Variants in TNIP2 observed in about 807,000 individuals in gnomAD.
TNIP2 encodes TNFAIP3 interacting protein 2.
Under a neutral mutation model 43.7 loss-of-function variants are expected in TNIP2, and 30 were observed. The observed-to-expected ratio is 0.69, with a 90% CI of 0.51 to 0.93. TNIP2 has a LOEUF of 0.93. Among genes scored for constraint, TNIP2 ranks in the 40% least tolerant of loss-of-function variants. TNIP2 has a pLI of 0.00. For missense variants in TNIP2, 599 were observed against 591.0 expected (o/e 1.01, Z -0.14); for synonymous variants, 260 against 254.6 (o/e 1.02, Z -0.20).
rs556774838 is a variant in TNIP2, at chr4:2,747,699, G to A, written c.523C>T (p.Arg175Ter). The change falls in exon 2 of 6, where the codon CGA becomes TGA. Residue 175 changes from arginine to a stop codon, truncating the protein, a stop_gained. Transcript: ENST00000315423. LOFTEE classifies it high-confidence loss of function. Reference protein sequence around the residue: ...CQHLAKCLDERQHAQRNVGER... With the variant: ...CQHLAKCLDE ...CCCACATTCCTTTGTGCATGCTGTC[G>A]TTCATCCAGACACTTGGCCAGATGC... 3.7e-6 allele frequency: 6 copies of A among 1,602,744 alleles called. No individual in the cohort carries two copies. Among genetic ancestry groups the A allele is most frequent in the South Asian group, 3.3e-5 (3 of 91,060 alleles).
At chr4:2,752,924 G>A (rs1722138582) in intron 1 of TNIP2, among the ~76,000 whole-genome samples, 1 of 151,890 alleles carries the variant, frequency 6.6e-6, no homozygotes, top group Non-Finnish European at 1.5e-5. Flanking sequence ...CATAGTCCTT[G>A]TGGTAGGCTC....
chr4:2,747,770 G>C lies in TNIP2; in HGVS notation c.452C>G (p.Thr151Ser). 6.2e-7 allele frequency: 1 copy of C among 1,611,590 alleles called. No homozygotes were observed. Among genetic ancestry groups the C allele is most frequent in the Non-Finnish European group, 8.5e-7 (1 of 1,180,030 alleles). ...DVLCRSLANETHQLRRTLTAT... is the reference protein window; with the variant it reads ...DVLCRSLANESHQLRRTLTAT... ...GGTCAGCGTCCTCCGCAGCTGATGG[G>C]TCTCGTTGGCCAAGGAGCGGCACAG... is the stretch of plus-strand genomic sequence containing the variant. The change falls in exon 2 of 6, where the codon ACC (threonine) becomes AGC (serine). Residue 151 changes from threonine (T) to serine (S), a missense_variant. Physicochemically the swap from Thr to Ser is moderately conservative, Grantham distance 58 (BLOSUM62 1). Coordinates refer to ENST00000315423, the MANE Select transcript of TNIP2 (RefSeq NM_024309.4).
At chr4:2,753,075 AAAAAAT>A (rs1353360555) in intron 1 of TNIP2, among the ~76,000 whole-genome samples, 3 of 152,166 alleles carry the variant, frequency 2.0e-5, no homozygotes, top group Admixed American at 6.5e-5. Flanking sequence ...CCTGTCTCTA[AAAAAAT>A]AAAAATAAAA....
intron 1 of TNIP2, among the ~76,000 whole-genome samples, chr4:2,748,188 T>G (rs1254209302): frequency 1.3e-5 from 2 of 152,282 alleles, no homozygotes; most frequent in East Asian, 3.9e-4. Context: ...AATTTTTTTT[T>G]TTTTTGAGAC....
Position 2,744,315 on chromosome 4 carries a change from G to C in TNIP2, c.1026+72C>G. The C allele has an allele frequency of 6.3e-7, 1 of 1,588,304 alleles. No individual in the cohort carries two copies. Among genetic ancestry groups the C allele is most frequent in the Non-Finnish European group, 8.6e-7 (1 of 1,162,228 alleles). ...ATCAGGGCCTTGGCAGACACAGAAA[G>C]GCTCTAATCTCATGAGAAGAGAAAC... is the stretch of plus-strand genomic sequence containing the variant. On this transcript the variant is annotated intron_variant, in intron 5 of 5. Coordinates refer to ENST00000315423, the MANE Select transcript of TNIP2 (RefSeq NM_024309.4). The surrounding 1 kb of genome is among the most constrained non-coding windows in gnomAD (Gnocchi z 5.1).
chr4:2,747,849 G>A lies in TNIP2; in HGVS notation c.373C>T (p.Leu125=). 6.2e-7 allele frequency: 1 copy of A among 1,613,810 alleles called. No homozygotes were observed. Among genetic ancestry groups the A allele is most frequent in the Non-Finnish European group, 8.5e-7 (1 of 1,180,052 alleles). ...PQHEREKEVV[L]LRRSMAEGER... is the part of the protein sequence containing the mutation. ...CCTTCTGCCATGCTCCTCCGTAGCA[G>A]GACGACTTCCTTCTCTCGCTCGTGT... Residue 125 remains leucine, a synonymous_variant, in exon 2 of 6, where the codon CTG becomes TTG. Coordinates refer to ENST00000315423, the MANE Select transcript of TNIP2 (RefSeq NM_024309.4).
At position 2,744,673 on chromosome 4, in the gene TNIP2, G is replaced by A. The variant is rs111472973; in HGVS notation, c.906+24C>T. The A allele has an allele frequency of 0.018, 29,039 of 1,594,154 alleles. 344 individuals carry two copies. The highest frequency in any genetic ancestry group is 0.021 in the East Asian group (950 of 44,772). ...GGCCAGCAGACATCTGGTCAGTGCC[G>A]TCCGGAGCCCGAGGGACAGACACCT... On this transcript the variant is annotated intron_variant, in intron 4 of 5. Transcript: ENST00000315423. The surrounding 1 kb of genome is among the most constrained non-coding windows in gnomAD (Gnocchi z 5.1).
intron 1 of TNIP2, among the ~76,000 whole-genome samples, chr4:2,749,550 A>C (rs1027610983): frequency 1.3e-5 from 2 of 152,216 alleles, no homozygotes; most frequent in Non-Finnish European, 2.9e-5. Context: ...GATAGGAGTG[A>C]CGTCTTGTCT....
chr4:2,747,231 G>GT (rs749006878), intron 2 of TNIP2, among the ~76,000 whole-genome samples: 1 of 152,242 alleles, frequency 6.6e-6, no homozygotes, highest in Non-Finnish European at 1.5e-5. Flanking sequence ...CCTTCCAGGA[G>GT]TTTGGGGTGT....
chr4:2,745,379 G>T, intron 3 of TNIP2, 67 bp downstream of exon 3: 1 of 1,247,598 alleles, frequency 8.0e-7, no homozygotes. Context: ...ATCAGCCAAG[G>T]AAAGAACCCT....
chr4:2,745,172 G>A (rs923115538), intron 3 of TNIP2, among the ~76,000 whole-genome samples: 2 of 152,200 alleles, frequency 1.3e-5, no homozygotes, highest in Non-Finnish European at 2.9e-5. Flanking sequence ...AGGTGGACTC[G>A]GTGCAGCTTT....
intron 2 of TNIP2, chr4:2,747,329 G>T: frequency 3.4e-6 from 1 of 297,998 alleles, no homozygotes. Context: ...ACTTCCTCCA[G>T]GCAGCTCTGC....
chr4:2,751,336 GC>G (rs1244221424), intron 1 of TNIP2, among the ~76,000 whole-genome samples: 1 of 152,218 alleles, frequency 6.6e-6, no homozygotes, highest in Non-Finnish European at 1.5e-5. Flanking sequence ...AAAGCCTGTC[GC>G]CGGGACCCAC....
chr4:2,753,782 C>A (rs1221436856), intron 1 of TNIP2, among the ~76,000 whole-genome samples: 2 of 152,358 alleles, frequency 1.3e-5, no homozygotes, highest in South Asian at 4.1e-4. Flanking sequence ...CCTGTTGGTG[C>A]AGACCAGGTG....
chr4:2,743,769 G>A (rs1036228761), intron 5 of TNIP2, among the ~76,000 whole-genome samples: 1 of 152,250 alleles, frequency 6.6e-6, no homozygotes, highest in Non-Finnish European at 1.5e-5. Flanking sequence ...TTAGGTACTT[G>A]ATGAGGAGCT....
chr4:2,743,565 T>C (rs1433549057), intron 5 of TNIP2, among the ~76,000 whole-genome samples: 1 of 152,158 alleles, frequency 6.6e-6, no homozygotes. Flanking sequence ...TGAGGCCCAG[T>C]GGCTGCTCGG....
At position 2,744,580 on chromosome 4, in the gene TNIP2, A is replaced by C. The variant is rs11728346; in HGVS notation, c.907-74T>G. On this transcript the variant is annotated intron_variant, in intron 4 of 5. Transcript: ENST00000315423. The surrounding 1 kb of genome is among the most constrained non-coding windows in gnomAD (Gnocchi z 5.1). Reference sequence around the variant, plus strand: ...CCCACCAGGCTTCTCCCACCCCCACAGTGACCACTGCCCACTCAGTGCCAC... The same window carrying C: ...CCCACCAGGCTTCTCCCACCCCCACCGTGACCACTGCCCACTCAGTGCCAC... 1,298,542 of 1,604,026 alleles carry C rather than the reference A, an allele frequency of 0.81. 526,849 individuals are homozygous for C. The highest frequency in any genetic ancestry group is 0.89 in the Admixed American group (53,545 of 59,856).
At chr4:2,748,013 A>G in intron 1 of TNIP2, 68 bp from the exon 2 acceptor site, 1 of 1,540,088 alleles carries the variant, frequency 6.5e-7, no homozygotes, top group Non-Finnish European at 8.8e-7. Flanking sequence ...AAATGTTCAG[A>G]AAGCAAAAGA....
At chr4:2,746,488 C>T (rs1721951027) in intron 2 of TNIP2, among the ~76,000 whole-genome samples, 1 of 152,210 alleles carries the variant, frequency 6.6e-6, no homozygotes, top group Non-Finnish European at 1.5e-5. Flanking sequence ...CCTGCCTCCG[C>T]CCAGACGGCA....
Sources: gnomAD v4.1 joint callset for allele counts (sites outside exome capture counted in the v4.1 genomes callset) on GRCh38, gnomAD v4.1.1 for gene constraint, Gnocchi (gnomAD v3.1) non-coding constraint, MANE v1.5 for transcripts, NCBI Gene and HGNC (gene_info 2026-07-23, HGNC 2026-07-21) for gene names.